HOMER1: variants seen among roughly 807,000 people sequenced by gnomAD.
HOMER1 encodes homer scaffold protein 1, also known as homer protein homolog 1.
Under a neutral mutation model 48.9 loss-of-function variants are expected in HOMER1, and 3 were observed. That is an observed-to-expected ratio of 0.06 (90% CI 0.03 to 0.16). HOMER1 has a LOEUF of 0.16. Among genes scored for constraint, HOMER1 ranks in the 10% least tolerant of loss-of-function variants. The probability of loss-of-function intolerance (pLI) is 1.00; values close to 1 mark genes in which losing one functional copy is unlikely to be tolerated. For missense variants in HOMER1, 247 were observed against 411.4 expected, an observed-to-expected ratio of 0.60 and a Z score of 3.46; for synonymous variants, 134 against 146.4, an observed-to-expected ratio of 0.92 and a Z score of 0.61.
At chr5:79,449,406 T>A (rs1288298642) in intron 3 of HOMER1, among the ~76,000 whole-genome samples, 1 of 152,214 alleles carries the variant, frequency 6.6e-6, no homozygotes. Flanking sequence ...AACTCTTATT[T>A]TACCACAGTT....
chr5:79,477,404 C>T (rs1328900176), intron 1 of HOMER1, among the ~76,000 whole-genome samples: 1 of 151,970 alleles, frequency 6.6e-6, no homozygotes, highest in African/African-American at 2.4e-5. Context: ...TTTTTCTTTC[C>T]ATGGTAATTT....
intron 1 of HOMER1, among the ~76,000 whole-genome samples, chr5:79,477,967 A>G (rs899447854): frequency 1.3e-5 from 2 of 152,134 alleles, no homozygotes; most frequent in African/African-American, 4.8e-5. Context: ...TGAATAACAC[A>G]ATGCTAAAAA....
At chr5:79,381,232 G>A (rs1475013616) in intron 8 of HOMER1, among the ~76,000 whole-genome samples, 2 of 151,962 alleles carry the variant, frequency 1.3e-5, no homozygotes, top group African/African-American at 4.8e-5. Context: ...AAAATCACAG[G>A]TACTATTGAT....
At chr5:79,471,739 C>T (rs1160076056) in intron 1 of HOMER1, among the ~76,000 whole-genome samples, 1 of 152,108 alleles carries the variant, frequency 6.6e-6, no homozygotes, top group Non-Finnish European at 1.5e-5. Context: ...CTAGAGGACA[C>T]AATCCCCTCC....
intron 4 of HOMER1, among the ~76,000 whole-genome samples, chr5:79,445,155 AT>A (rs1162876727): frequency 6.6e-6 from 1 of 152,242 alleles, no homozygotes; most frequent in Admixed American, 6.5e-5. Flanking sequence ...TTGGTTAGTT[AT>A]TAAATTCCAA....
intron 1 of HOMER1, among the ~76,000 whole-genome samples, chr5:79,474,825 T>C (rs1191515126): frequency 1.3e-5 from 2 of 152,202 alleles, no homozygotes; most frequent in Non-Finnish European, 1.5e-5. Context: ...TTCAAATTGA[T>C]AGAGTCAAAA....
At chr5:79,499,176 C>T (rs1377304260) in intron 1 of HOMER1, among the ~76,000 whole-genome samples, 1 of 152,086 alleles carries the variant, frequency 6.6e-6, no homozygotes, top group East Asian at 1.9e-4. Context: ...TTCAAGATAG[C>T]GTCTCAAGCT....
At chr5:79,484,459 C>T (rs889872075) in intron 1 of HOMER1, among the ~76,000 whole-genome samples, 1 of 152,154 alleles carries the variant, frequency 6.6e-6, no homozygotes, top group East Asian at 1.9e-4. Context: ...GGTGCCATGG[C>T]ATTTGCCTGT....
intron 1 of HOMER1, among the ~76,000 whole-genome samples, chr5:79,465,584 CTTTTTTTTTTTTTT>C (rs10666507): frequency 1.2e-4 from 9 of 77,894 alleles, no homozygotes; most frequent in African/African-American, 5.5e-4. Flanking sequence ...TACATTTCTT[CTTTTTTTTTTTTTT>C]TTTTTTTTTT....
At chr5:79,497,272 GGGCATAACT>G (rs904134386) in intron 1 of HOMER1, among the ~76,000 whole-genome samples, 1 of 152,018 alleles carries the variant, frequency 6.6e-6, no homozygotes, top group African/African-American at 2.4e-5. Context: ...ACCAAGAAAT[GGGCATAACT>G]GGTAAGTACT....
intron 5 of HOMER1, among the ~76,000 whole-genome samples, chr5:79,422,003 A>C (rs1351320166): frequency 3.3e-5 from 5 of 152,110 alleles, no homozygotes. Flanking sequence ...AAGGAGGGTG[A>C]ATCATTTGAG....
intron 5 of HOMER1, among the ~76,000 whole-genome samples, chr5:79,407,248 A>T (rs1190074300): frequency 6.6e-6 from 1 of 152,170 alleles, no homozygotes; most frequent in Non-Finnish European, 1.5e-5. Flanking sequence ...AATAGTGTTC[A>T]TCATTACTGT....
rs570574857 is a variant in HOMER1 at position 79,415,867 on chromosome 5, T to C, written c.528-13812A>G. ...GATGACTTGCTTCAAACTATGGCTG[T>C]AGTCATTTAATAGATATGGGCCTTG... On this transcript the variant is annotated intron_variant, in intron 5 of 8. Coordinates refer to ENST00000334082, the MANE Select transcript of HOMER1 (RefSeq NM_004272.5). Among the ~76,000 whole-genome samples the C allele has an allele frequency of 9.0e-4, 137 of 152,362 alleles. 1 individual carries two copies. Among genetic ancestry groups the C allele is most frequent in the African/African-American group, 2.9e-3 (122 of 41,592 alleles).
chr5:79,397,505 A>G lies in HOMER1; in HGVS notation c.795+22T>C, dbSNP rs114712074. ...TACAAACATGTTAGCTAGATTACAG[A>G]TGAGTAAAAAGCAGCAAATACCTCT... On this transcript the variant is annotated intron_variant, in intron 7 of 8. Coordinates refer to ENST00000334082, the MANE Select transcript of HOMER1 (RefSeq NM_004272.5). 1.9e-4 allele frequency: 241 copies of G among 1,263,600 alleles called. No homozygotes were observed. In the African/African-American group the frequency reaches 3.3e-3, roughly 17 times the overall value. 78.3% of individuals were successfully genotyped at this position (1,263,600 alleles called of 1,614,324 possible).
intron 8 of HOMER1, among the ~76,000 whole-genome samples, chr5:79,390,920 G>C (rs968117938): frequency 6.6e-6 from 1 of 151,498 alleles, no homozygotes; most frequent in Admixed American, 6.6e-5. Context: ...AGAATCTATG[G>C]GATATACTTA....
intron 8 of HOMER1, among the ~76,000 whole-genome samples, chr5:79,391,706 G>GCATTC (rs1162922018): frequency 6.6e-6 from 1 of 151,132 alleles, no homozygotes; most frequent in Non-Finnish European, 1.5e-5. Flanking sequence ...TCGCGCCACT[G>GCATTC]CATTCCAGCC....
intron 1 of HOMER1, among the ~76,000 whole-genome samples, chr5:79,465,581 C>CTTTTTTTTTTTTTT (rs1195158421): frequency 1.1e-5 from 1 of 90,410 alleles, no homozygotes; most frequent in African/African-American, 5.0e-5. Flanking sequence ...GTTTACATTT[C>CTTTTTTTTTTTTTT]TTCTTTTTTT....
intron 1 of HOMER1, among the ~76,000 whole-genome samples, chr5:79,469,990 C>T (rs946181722): frequency 6.6e-6 from 1 of 152,172 alleles, no homozygotes; most frequent in African/African-American, 2.4e-5. Context: ...AACCCAAATA[C>T]ATTTTCTGAC....
intron 1 of HOMER1, among the ~76,000 whole-genome samples, chr5:79,494,860 A>C (rs1752379667): frequency 6.6e-6 from 1 of 152,098 alleles, no homozygotes; most frequent in Admixed American, 6.5e-5. Flanking sequence ...CAAGAGTGAA[A>C]CTCTTGCCTT....
Sources: gnomAD v4.1 joint callset for allele counts (sites outside exome capture counted in the v4.1 genomes callset) on GRCh38, gnomAD v4.1.1 for gene constraint, MANE v1.5 for transcripts, NCBI Gene and HGNC (gene_info 2026-07-23, HGNC 2026-07-21) for gene names.